The following IL27RA variants were observed in gnomAD, a reference collection of about 807,000 sequenced individuals.
IL27RA encodes the protein interleukin 27 receptor subunit alpha.
IL27RA carries 61 observed loss-of-function variants against 80.8 expected under a neutral mutation model. The ratio of observed to expected loss-of-function variants is 0.76; its 90% confidence interval spans 0.61 to 0.93. The LOEUF (loss-of-function observed/expected upper bound fraction) is 0.93, where lower values mean the gene tolerates loss of function less well. Ranked by LOEUF, IL27RA falls within the 40% of genes least tolerant of loss-of-function variation. The pLI, the probability that IL27RA is intolerant of heterozygous loss-of-function variation, is 0.00. For synonymous variants in IL27RA, 316 were observed against 332.5 expected (o/e 0.95, Z 0.54); for missense variants, 735 against 808.1 (o/e 0.91, Z 1.10).
chr19:14,043,204 C>T lies in IL27RA; in HGVS notation c.768+415C>T, dbSNP rs1202095476. Among the ~76,000 whole-genome samples, 2 of 151,920 alleles carry T rather than the reference C, an allele frequency of 1.3e-5. 1 individual carries two copies. The highest frequency in any genetic ancestry group is 4.8e-5 in the African/African-American group (2 of 41,302). On this transcript the variant is annotated intron_variant, in intron 6 of 13. Transcript: ENST00000263379. ...AAGACAGAGTTTACCATGCTGCCCC[C>T]TTGAGGTTGCTTCGAAGATTCAAGG...
chr19:14,034,234 A>G (rs1171187926), intron 2 of IL27RA, among the ~76,000 whole-genome samples: 1 of 152,216 alleles, frequency 6.6e-6, no homozygotes, highest in Non-Finnish European at 1.5e-5. Context: ...GTGTTTCTTC[A>G]TGATGAATCA....
intron 8 of IL27RA, among the ~76,000 whole-genome samples, chr19:14,047,087 AGGC>A (rs1252321251): frequency 1.3e-5 from 2 of 150,788 alleles, no homozygotes; most frequent in Admixed American, 6.6e-5. Context: ...TCTGTGGCCC[AGGC>A]TAGAGTGCAA....
chr19:14,046,196 T>C lies in IL27RA; in HGVS notation c.811T>C (p.Trp271Arg). The change falls in exon 7 of 14, where the codon TGG becomes CGG. Residue 271 changes from tryptophan (W) to arginine (R), a missense_variant. Trp to Arg is a moderately radical substitution (Grantham distance 101). Transcript: ENST00000263379. ...CVQVSYKVWF[W>R]VGGRELSPEG... is the part of the protein sequence containing the mutation. ...GCAGGTGAGCTACAAAGTCTGGTTC[T>C]GGGTTGGAGGTCGTGAGCTGAGTCC... 1 of 1,614,248 alleles carries C rather than the reference T, an allele frequency of 6.2e-7. No homozygotes were observed. Among genetic ancestry groups the C allele is most frequent in the Non-Finnish European group, 8.5e-7 (1 of 1,180,034 alleles).
At chr19:14,032,967 C>T (rs1344650084) in intron 2 of IL27RA, among the ~76,000 whole-genome samples, 1 of 151,808 alleles carries the variant, frequency 6.6e-6, no homozygotes, top group Non-Finnish European at 1.5e-5. Flanking sequence ...CTTTTCATTT[C>T]TCTATTAAAT....
chr19:14,039,374 C>T, intron 2 of IL27RA, 134 bp from the exon 3 acceptor site: 1 of 923,442 alleles, frequency 1.1e-6, no homozygotes, highest in Non-Finnish European at 1.6e-6. Context: ...CAAGGTCACA[C>T]AGCTCTGAAG....
rs10402936 is a variant in IL27RA at position 14,042,926 on chromosome 19, G to C, written c.768+137G>C. 5.2e-3 allele frequency: 3,914 copies of C among 757,658 alleles called. 92 individuals are homozygous for C. The African/African-American group carries it at 0.058, about 11-fold the overall frequency. 46.9% of individuals were successfully genotyped at this position (757,658 alleles called of 1,614,324 possible). ...GGAGGCCGAGGAGGGTGGATCACTT[G>C]AGGTCAGCAGTTGGAGACCAGCCTG... On this transcript the variant is annotated intron_variant, in intron 6 of 13. Coordinates refer to ENST00000263379, the MANE Select transcript of IL27RA (RefSeq NM_004843.4).
chr19:14,038,052 G>A (rs1165184244), intron 2 of IL27RA, among the ~76,000 whole-genome samples: 2 of 151,498 alleles, frequency 1.3e-5, no homozygotes, highest in South Asian at 4.2e-4. Flanking sequence ...GGATGGTCTC[G>A]ATCTCTTGAC....
intron 8 of IL27RA, among the ~76,000 whole-genome samples, chr19:14,047,151 C>T (rs1186867712): frequency 6.6e-6 from 1 of 150,774 alleles, no homozygotes; most frequent in Non-Finnish European, 1.5e-5. Context: ...TCAAGTGATT[C>T]TCGTGACTCA....
intron 2 of IL27RA, among the ~76,000 whole-genome samples, chr19:14,035,165 A>G (rs1033254756): frequency 2.6e-5 from 4 of 151,426 alleles, no homozygotes; most frequent in Non-Finnish European, 5.9e-5. Flanking sequence ...AATTTTTTAA[A>G]TATATATTTT....
chr19:14,047,126 T>C (rs1332682425), intron 8 of IL27RA, among the ~76,000 whole-genome samples: 1 of 149,616 alleles, frequency 6.7e-6, no homozygotes, highest in Non-Finnish European at 1.5e-5. Context: ...TCACTGCAAC[T>C]TCCATCTCCT....
At chr19:14,047,358 CT>C (rs146646872) in intron 8 of IL27RA, among the ~76,000 whole-genome samples, 201 of 129,614 alleles carry the variant, frequency 1.6e-3, no homozygotes, top group East Asian at 5.0e-3. Flanking sequence ...CCTAACTTTT[CT>C]TTTTTTTTTT....
At chr19:14,047,194 C>G (rs1399167476) in intron 8 of IL27RA, among the ~76,000 whole-genome samples, 2 of 147,664 alleles carry the variant, frequency 1.4e-5, no homozygotes, top group Non-Finnish European at 3.0e-5. Context: ...TGGGAGCGTA[C>G]CACCACAATC....
At chr19:14,039,204 T>C (rs1041860316) in intron 2 of IL27RA, among the ~76,000 whole-genome samples, 3 of 151,600 alleles carry the variant, frequency 2.0e-5, no homozygotes, top group Non-Finnish European at 4.4e-5. Flanking sequence ...GGAGGATCAC[T>C]TGAACCCAGG....
At chr19:14,032,066 G>T in intron 1 of IL27RA, 94 bp downstream of exon 1, 1 of 1,120,070 alleles carries the variant, frequency 8.9e-7, no homozygotes, top group South Asian at 1.4e-5. Flanking sequence ...TATGCAGAGC[G>T]AACGGTAGAG....
In IL27RA at chr19:14,039,740, TC is replaced by T. The variant is rs756562006; in HGVS notation, c.377-9del. Reference sequence around the variant, plus strand: ...GGGCGTGGCTCACTACACCCTAGTTTCCCCTTCCCCAGTGAAGCCAAACGCC... The same window carrying T: ...GGGCGTGGCTCACTACACCCTAGTTTCCCTTCCCCAGTGAAGCCAAACGCC... On this transcript the variant is annotated splice_polypyrimidine_tract_variant and intron_variant, in intron 3 of 13. Transcript: ENST00000263379. The T allele has an allele frequency of 1.2e-6, 2 of 1,612,558 alleles. No individual in the cohort carries two copies. Among genetic ancestry groups the T allele is most frequent in the East Asian group, 4.5e-5 (2 of 44,846 alleles).
At chr19:14,039,362 C>A in intron 2 of IL27RA, 146 bp from the exon 3 acceptor site, 2 of 788,844 alleles carry the variant, frequency 2.5e-6, no homozygotes, top group South Asian at 2.2e-5. Flanking sequence ...AAGTCACTTA[C>A]TCAAGGTCAC....
At chr19:14,035,700 C>T (rs1048128480) in intron 2 of IL27RA, among the ~76,000 whole-genome samples, 68 of 151,878 alleles carry the variant, frequency 4.5e-4, no homozygotes, top group Non-Finnish European at 2.2e-4. Context: ...TGGCGGGGGG[C>T]CTAGTTTTAA....
At chr19:14,038,032 G>A (rs549588150) in intron 2 of IL27RA, among the ~76,000 whole-genome samples, 3 of 151,902 alleles carry the variant, frequency 2.0e-5, no homozygotes, top group East Asian at 1.9e-4. Flanking sequence ...GGGTTTCACC[G>A]TGTTGGCCAG....
intron 6 of IL27RA, among the ~76,000 whole-genome samples, chr19:14,044,838 T>A (rs1976040413): frequency 6.6e-6 from 1 of 151,456 alleles, no homozygotes; most frequent in African/African-American, 2.4e-5. Context: ...AATAAAACAT[T>A]ACCAGGGGCC....
Sources: allele counts gnomAD v4.1 joint callset (sites outside exome capture counted in the v4.1 genomes callset), GRCh38; gene constraint gnomAD v4.1.1; transcripts MANE v1.5; gene names NCBI Gene and HGNC (gene_info 2026-07-23, HGNC 2026-07-21).